ANAPC5: variants seen among roughly 807,000 people sequenced by gnomAD.
ANAPC5 encodes anaphase promoting complex subunit 5.
ANAPC5 carries 60 observed loss-of-function variants against 91.3 expected under a neutral mutation model. That is an observed-to-expected ratio of 0.66 (90% CI 0.53 to 0.81). The LOEUF (loss-of-function observed/expected upper bound fraction) is 0.81. ANAPC5 is among the 40% of genes least tolerant of loss of function. ANAPC5 has a pLI of 0.00. For synonymous variants in ANAPC5, 340 were observed against 364.1 expected, an observed-to-expected ratio of 0.93 and a Z score of 0.75; for missense variants, 690 against 931.5, an observed-to-expected ratio of 0.74 and a Z score of 3.37.
chr12:121,328,265 C>T (rs782144653), intron 10 of ANAPC5, 51 bp downstream of exon 10: 1 of 1,570,650 alleles, frequency 6.4e-7, no homozygotes, highest in Admixed American at 1.7e-5. Flanking sequence ...AGCTTGCTAG[C>T]TCCTGCTTCT....
At chr12:121,340,582 G>GC (rs1418268401) in intron 5 of ANAPC5, among the ~76,000 whole-genome samples, 2 of 150,534 alleles carry the variant, frequency 1.3e-5, no homozygotes, top group Non-Finnish European at 3.0e-5. Flanking sequence ...TGTCACCCAG[G>GC]CCAGAGTGCA....
upstream of ANAPC5, among the ~76,000 whole-genome samples, chr12:121,353,023 T>C (rs556672501): frequency 6.6e-6 from 1 of 152,122 alleles, no homozygotes; most frequent in Non-Finnish European, 1.5e-5. Context: ...CTCAAATGTT[T>C]AGGAGTTTAA....
intron 8 of ANAPC5, chr12:121,330,942 G>A (rs993449639): frequency 2.3e-6 from 1 of 434,332 alleles, no homozygotes; most frequent in Non-Finnish European, 4.2e-6. Context: ...CTCCCATATG[G>A]CCTTCAATTG....
intron 5 of ANAPC5, among the ~76,000 whole-genome samples, chr12:121,338,820 C>T (rs782418596): frequency 2.0e-5 from 3 of 151,716 alleles, no homozygotes; most frequent in Non-Finnish European, 4.4e-5. Flanking sequence ...TATGTGTATA[C>T]ATATTATATA....
chr12:121,347,766 C>A (rs1555274836), intron 2 of ANAPC5, 36 bp downstream of exon 2: 2 of 1,501,956 alleles, frequency 1.3e-6, no homozygotes, highest in South Asian at 2.3e-5. Context: ...TCTACCTTCA[C>A]ACCTTTTCAT....
chr12:121,320,553 G>A (rs1475022066), intron 11 of ANAPC5, 94 bp from the exon 12 acceptor site: 10 of 1,000,176 alleles, frequency 1.0e-5, no homozygotes, highest in South Asian at 6.6e-5. Context: ...ACCTGTTCCC[G>A]TTCTTGATGC....
intron 1 of ANAPC5, among the ~76,000 whole-genome samples, chr12:121,351,629 TTG>T (rs1202465587): frequency 6.6e-6 from 1 of 151,938 alleles, no homozygotes; most frequent in Non-Finnish European, 1.5e-5. Context: ...AGCTAATTTT[TTG>T]TGTTTTTAGT....
At chr12:121,321,343 C>CTT (rs71079053) in intron 11 of ANAPC5, among the ~76,000 whole-genome samples, 1,542 of 100,598 alleles carry the variant, frequency 0.015, 38 homozygotes, top group Admixed American at 0.043. Flanking sequence ...AAACAAATTA[C>CTT]TTTTTTTTTT....
chr12:121,308,675 G>A lies in ANAPC5; in HGVS notation c.2073C>T (p.Ile691=), dbSNP rs571297945. The A allele has an allele frequency of 9.9e-6, 16 of 1,613,910 alleles. 1 individual carries two copies. Among genetic ancestry groups the A allele is most frequent in the South Asian group, 6.6e-5 (6 of 91,060 alleles). Residue 691 remains isoleucine (I), a synonymous_variant, in exon 17 of 17, where the codon ATC becomes ATT. Coordinates refer to ENST00000261819, the MANE Select transcript of ANAPC5 (RefSeq NM_016237.5). ...AGTTCTTGGCTTCATTGAGGTTCTC[G>A]ATGGCAGCCTCCAGAGCTGACGGAA... ...PKKAEALEAA[I]ENLNEAKNYF... is the part of the protein sequence containing the mutation.
chr12:121,317,969 G>C (rs1203297784), intron 15 of ANAPC5: 1 of 223,418 alleles, frequency 4.5e-6, no homozygotes, highest in Non-Finnish European at 8.7e-6. Context: ...ACATCCCCTT[G>C]TTGCTAAATC....
At chr12:121,326,109 C>T (rs1352941255) in intron 11 of ANAPC5, among the ~76,000 whole-genome samples, 3 of 152,172 alleles carry the variant, frequency 2.0e-5, no homozygotes, top group African/African-American at 7.2e-5. Flanking sequence ...GCAAAGGCGC[C>T]GTGGAACCCA....
At chr12:121,338,207 T>C (rs990330068) in intron 5 of ANAPC5, among the ~76,000 whole-genome samples, 5 of 151,700 alleles carry the variant, frequency 3.3e-5, no homozygotes, top group Admixed American at 2.0e-4. Context: ...TACTGAGACC[T>C]CATCTCTATT....
intron 9 of ANAPC5, among the ~76,000 whole-genome samples, chr12:121,329,718 C>T (rs1329983766): frequency 2.0e-5 from 3 of 151,652 alleles, no homozygotes; most frequent in African/African-American, 4.9e-5. Flanking sequence ...CAGGTTCAAG[C>T]GACTCTCCTG....
intron 1 of ANAPC5, 91 bp from the exon 2 acceptor site, chr12:121,347,972 G>T: frequency 2.3e-6 from 2 of 885,568 alleles, no homozygotes; most frequent in Non-Finnish European, 3.6e-6. Context: ...CAACCCCTCT[G>T]CTTTAATAAT....
intron 7 of ANAPC5, chr12:121,332,196 C>T (rs1310977893): frequency 6.6e-6 from 1 of 152,456 alleles, no homozygotes; most frequent in South Asian, 2.1e-4. Flanking sequence ...CTCCTGGCCT[C>T]AAGCGATCCT....
At chr12:121,315,030 A>T (rs1317434717) in intron 15 of ANAPC5, among the ~76,000 whole-genome samples, 1 of 152,152 alleles carries the variant, frequency 6.6e-6, no homozygotes, top group African/African-American at 2.4e-5. Flanking sequence ...GGAAGAGGTA[A>T]AACTATCTCT....
chr12:121,316,606 G>A (rs558945021), intron 15 of ANAPC5, among the ~76,000 whole-genome samples: 3 of 151,808 alleles, frequency 2.0e-5, no homozygotes, highest in South Asian at 4.1e-4. Flanking sequence ...GGTGGCGGGC[G>A]CCTGTAGTCC....
chr12:121,315,601 T>C (rs1902324531), intron 15 of ANAPC5, among the ~76,000 whole-genome samples: 1 of 152,192 alleles, frequency 6.6e-6, no homozygotes, highest in Non-Finnish European at 1.5e-5. Context: ...GGGAATAGAA[T>C]TGAGAGTCCG....
intron 15 of ANAPC5, among the ~76,000 whole-genome samples, chr12:121,311,733 T>G (rs1209635958): frequency 6.6e-6 from 1 of 152,076 alleles, no homozygotes; most frequent in East Asian, 1.9e-4. Context: ...CTCAGAAAAG[T>G]GAGGTGGGAG....
Sources: gnomAD v4.1 joint callset for allele counts (sites outside exome capture counted in the v4.1 genomes callset) on GRCh38, gnomAD v4.1.1 for gene constraint, MANE v1.5 for transcripts, NCBI Gene and HGNC (gene_info 2026-07-23, HGNC 2026-07-21) for gene names.